The following KCNIP4 variants were observed in gnomAD, a reference collection of about 807,000 sequenced individuals.
KCNIP4 encodes the protein Kv channel-interacting protein 4.
Under a neutral mutation model 34.0 loss-of-function variants are expected in KCNIP4, and 12 were observed. The observed-to-expected ratio is 0.35, with a 90% CI of 0.23 to 0.57. The LOEUF is 0.57. Ranked by LOEUF, KCNIP4 falls within the 20% of genes least tolerant of loss-of-function variation. KCNIP4 has a pLI of 0.83. For missense variants in KCNIP4, 238 were observed against 311.7 expected, an observed-to-expected ratio of 0.76 and a Z score of 1.78; for synonymous variants, 124 against 102.2, an observed-to-expected ratio of 1.21 and a Z score of -1.29.
At chr4:21,908,541 G>C (rs1164223434) in intron 1 of KCNIP4, among the ~76,000 whole-genome samples, 1 of 152,138 alleles carries the variant, frequency 6.6e-6, no homozygotes, top group Non-Finnish European at 1.5e-5. Flanking sequence ...AGTGAAGTTT[G>C]TGGAAAACCG....
chr4:20,772,275 C>T (rs1255674916), intron 3 of KCNIP4, among the ~76,000 whole-genome samples: 1 of 152,110 alleles, frequency 6.6e-6, no homozygotes, highest in East Asian at 1.9e-4. Context: ...CTATTAATCA[C>T]TAAAACACAA....
At chr4:21,240,061 C>A (rs944760556) in intron 1 of KCNIP4, among the ~76,000 whole-genome samples, 1 of 151,758 alleles carries the variant, frequency 6.6e-6, no homozygotes, top group Non-Finnish European at 1.5e-5. Flanking sequence ...ATGATGAGTT[C>A]ATGTCCTTTG....
intron 1 of KCNIP4, among the ~76,000 whole-genome samples, chr4:21,375,398 C>T (rs1021102490): frequency 3.9e-5 from 6 of 152,058 alleles, no homozygotes; most frequent in African/African-American, 1.4e-4. Flanking sequence ...ATTTTCTGAG[C>T]CTCAGTTTCT....
At chr4:20,785,960 A>G (rs1384338972) in intron 3 of KCNIP4, among the ~76,000 whole-genome samples, 1 of 152,146 alleles carries the variant, frequency 6.6e-6, no homozygotes, top group Non-Finnish European at 1.5e-5. Flanking sequence ...ATATACCCAG[A>G]GGAAAATAAA....
At chr4:21,223,076 A>T (rs1758097237) in intron 1 of KCNIP4, among the ~76,000 whole-genome samples, 1 of 152,220 alleles carries the variant, frequency 6.6e-6, no homozygotes, top group South Asian at 2.1e-4. Context: ...TAACTTTGTG[A>T]GTGTGACTAA....
At chr4:21,653,332 A>T (rs934499963) in intron 1 of KCNIP4, among the ~76,000 whole-genome samples, 18 of 152,168 alleles carry the variant, frequency 1.2e-4, no homozygotes, top group African/African-American at 4.3e-4. Context: ...CTTATCTGCA[A>T]AATTGGTGCA....
intron 1 of KCNIP4, among the ~76,000 whole-genome samples, chr4:20,963,333 CA>C (rs33923102): frequency 0.77 from 114,293 of 147,868 alleles, 44,113 homozygotes; most frequent in South Asian, 0.86. Context: ...TCTCAAAAAA[CA>C]AAAAAAAAAA....
At position 21,664,059 on chromosome 4, in the gene KCNIP4, C is replaced by T. The variant is rs76237386; in HGVS notation, c.61+284512G>A. On this transcript the variant is annotated intron_variant, in intron 1 of 8. Coordinates refer to ENST00000382152, the MANE Select transcript of KCNIP4 (RefSeq NM_025221.6). The stretch of plus-strand genomic sequence containing the variant: ...TCCCTGGCTCAAGTGCTTTCTCTTG[C>T]CTCAGCCTCCTGAGTAGCTGGGACT... 4.3e-4 allele frequency among the ~76,000 whole-genome samples: 66 copies of T among 152,252 alleles called. No individual in the cohort carries two copies. In the East Asian group the frequency reaches 0.012, roughly 27 times the overall value.
chr4:20,823,501 T>A (rs1036789912), intron 3 of KCNIP4, among the ~76,000 whole-genome samples: 2 of 151,732 alleles, frequency 1.3e-5, no homozygotes, highest in African/African-American at 4.8e-5. Context: ...CTTTGGGAGG[T>A]CATTAGGTCA....
intron 1 of KCNIP4, among the ~76,000 whole-genome samples, chr4:21,745,087 T>C (rs898838264): frequency 3.9e-5 from 6 of 152,230 alleles, no homozygotes; most frequent in Non-Finnish European, 5.9e-5. Flanking sequence ...CTAAATTAAA[T>C]AAGCATAGAG....
intron 1 of KCNIP4, among the ~76,000 whole-genome samples, chr4:21,069,188 G>A (rs2108991969): frequency 6.6e-6 from 1 of 152,078 alleles, no homozygotes; most frequent in East Asian, 1.9e-4. Context: ...CCACACTATT[G>A]ACTCATATTA....
intron 1 of KCNIP4, among the ~76,000 whole-genome samples, chr4:20,988,468 T>C (rs2149702517): frequency 6.6e-6 from 1 of 152,360 alleles, no homozygotes; most frequent in South Asian, 2.1e-4. Flanking sequence ...TTGATCATTT[T>C]TCCTTGTTTT....
intron 1 of KCNIP4, among the ~76,000 whole-genome samples, chr4:21,219,304 C>CT (rs1286853304): frequency 6.6e-6 from 1 of 152,120 alleles, no homozygotes; most frequent in East Asian, 1.9e-4. Flanking sequence ...GTCAAAAAGC[C>CT]TAAATGACAG....
At chr4:21,308,895 T>C (rs578041116) in intron 1 of KCNIP4, among the ~76,000 whole-genome samples, 95 of 152,198 alleles carry the variant, frequency 6.2e-4, no homozygotes, top group African/African-American at 2.0e-3. Flanking sequence ...CAAAGCAATT[T>C]TGGGGAGTCC....
chr4:21,895,916 C>T (rs1161555917), intron 1 of KCNIP4, among the ~76,000 whole-genome samples: 1 of 152,060 alleles, frequency 6.6e-6, no homozygotes, highest in Non-Finnish European at 1.5e-5. Context: ...CTAAGTGATG[C>T]TAAGTTCTAG....
chr4:21,761,247 C>A (rs1208401351), intron 1 of KCNIP4, among the ~76,000 whole-genome samples: 1 of 151,940 alleles, frequency 6.6e-6, no homozygotes, highest in East Asian at 1.9e-4. Context: ...TACTACAAGA[C>A]CTATCTATAA....
intron 1 of KCNIP4, among the ~76,000 whole-genome samples, chr4:21,211,445 G>A (rs545696878): frequency 2.6e-5 from 4 of 152,154 alleles, no homozygotes; most frequent in Admixed American, 6.6e-5. Context: ...TAAAAGTGCG[G>A]ACCCGATTGT....
chr4:21,134,862 G>A (rs1429600986), intron 1 of KCNIP4, among the ~76,000 whole-genome samples: 3 of 152,120 alleles, frequency 2.0e-5, no homozygotes, highest in African/African-American at 2.4e-5. Flanking sequence ...CATAGCCTTC[G>A]GCCATAAACA....
At chr4:21,243,925 A>G (rs1475351000) in intron 1 of KCNIP4, among the ~76,000 whole-genome samples, 1 of 152,140 alleles carries the variant, frequency 6.6e-6, no homozygotes, top group Non-Finnish European at 1.5e-5. Flanking sequence ...GGTGAGGAGT[A>G]TAGACTTCAC....
Sources: gnomAD v4.1 joint callset for allele counts (sites outside exome capture counted in the v4.1 genomes callset) on GRCh38, gnomAD v4.1.1 for gene constraint, MANE v1.5 for transcripts, NCBI Gene and HGNC (gene_info 2026-07-23, HGNC 2026-07-21) for gene names.